TMEM33: variants seen among roughly 807,000 people sequenced by gnomAD.
The protein encoded by TMEM33 is transmembrane protein 33.
Under a neutral mutation model 29.7 loss-of-function variants are expected in TMEM33, and 16 were observed. The observed-to-expected ratio is 0.54, with a 90% confidence interval of 0.36 to 0.82. The LOEUF is 0.82. TMEM33 is among the 40% of genes least tolerant of loss of function. The pLI is 0.00. For missense variants in TMEM33, 252 were observed against 295.3 expected, an observed-to-expected ratio of 0.85 and a Z score of 1.08; for synonymous variants, 112 against 109.4, an observed-to-expected ratio of 1.02 and a Z score of -0.15.
In TMEM33 at chr4:41,949,328, T is replaced by TTA; in HGVS notation, c.562_563dup (p.Tyr189ThrfsTer24). ...GGTCAAGGAAGTTTGCTCCAACCTTTTATATACTATAGATTTCTTACCCTT... is the reference window on the plus strand; with the variant it reads ...GGTCAAGGAAGTTTGCTCCAACCTTTTATATATACTATAGATTTCTTACCCTT... On this transcript the variant is annotated frameshift_variant, in exon 6 of 7. Transcript: ENST00000504986. LOFTEE classifies it high-confidence loss of function. The TTA allele has an allele frequency of 6.2e-7, 1 of 1,610,900 alleles. No individual in the cohort carries two copies. The highest frequency in any genetic ancestry group is 8.5e-7 in the Non-Finnish European group (1 of 1,178,826).
intron 5 of TMEM33, among the ~76,000 whole-genome samples, chr4:41,948,755 T>C (rs1712904465): frequency 6.6e-6 from 1 of 152,096 alleles, no homozygotes; most frequent in South Asian, 2.1e-4. Flanking sequence ...AGTGAATGTC[T>C]TAATTCAGAT....
chr4:41,952,129 G>A (rs1270002031), intron 6 of TMEM33, among the ~76,000 whole-genome samples: 1 of 152,154 alleles, frequency 6.6e-6, no homozygotes, highest in Non-Finnish European at 1.5e-5. Context: ...TAGGAGATAG[G>A]ATATTAGGGC....
chr4:41,935,176 G>C (rs561291899), upstream of TMEM33: 10 of 499,716 alleles, frequency 2.0e-5, no homozygotes, highest in South Asian at 1.1e-4. Context: ...GGCGGCGTAG[G>C]TTGGCTCTTT....
At chr4:41,938,765 G>A in intron 2 of TMEM33, 69 bp downstream of exon 2, 1 of 1,452,708 alleles carries the variant, frequency 6.9e-7, no homozygotes, top group Non-Finnish European at 9.7e-7. Flanking sequence ...GTGCCTTTTA[G>A]GTGTAAGACT....
intron 5 of TMEM33, among the ~76,000 whole-genome samples, chr4:41,947,021 A>C (rs1349643001): frequency 1.3e-5 from 2 of 152,248 alleles, no homozygotes; most frequent in East Asian, 3.9e-4. Context: ...GCAGAGCATG[A>C]GGTCAAGAGA....
rs1713351046 is a variant in TMEM33, at chr4:41,958,438, A to G, written c.*4239A>G. The G allele has an allele frequency of 6.6e-6, 1 of 152,140 alleles. No individual in the cohort carries two copies. Among genetic ancestry groups the G allele is most frequent in the Non-Finnish European group, 1.5e-5 (1 of 68,018 alleles). 9.4% of individuals were successfully genotyped at this position (152,140 alleles called of 1,614,324 possible). ...AAGGTCTATCCAGTTTTTTCTTTTC[A>G]TGCTAAGTGCCTACATCACCGAAAC... On this transcript the variant is annotated 3_prime_UTR_variant, in exon 7 of 7. Transcript: ENST00000504986.
intron 2 of TMEM33, 49 bp from the exon 3 acceptor site, chr4:41,939,147 A>G: frequency 6.7e-7 from 1 of 1,486,776 alleles, no homozygotes; most frequent in East Asian, 2.3e-5. Context: ...AGGAAGAGAC[A>G]CTGCAGTTGT....
chr4:41,938,826 C>A (rs113134875), intron 2 of TMEM33, 130 bp downstream of exon 2: 16,541 of 753,508 alleles, frequency 0.022, 256 homozygotes, highest in African/African-American at 0.056. Flanking sequence ...TTCCAGCCTT[C>A]AGGTACTAAC....
In TMEM33 at chr4:41,940,062, T is replaced by TA. The variant is rs1483095338; in HGVS notation, c.328+679_328+680insA. ...TTAAACTTTCTTTTTTTTTTTTTTT[T>TA]TTTTTTTTGAGACAGAGTCTTGCTC... On this transcript the variant is annotated intron_variant, in intron 3 of 6. Transcript: ENST00000504986. Among the ~76,000 whole-genome samples, 9 of 145,942 alleles carry TA rather than the reference T, an allele frequency of 6.2e-5. No individual in the cohort carries two copies. In the East Asian group the frequency reaches 1.8e-3, roughly 29 times the overall value.
chr4:41,935,409 C>G, upstream of TMEM33: 1 of 1,485,400 alleles, frequency 6.7e-7, no homozygotes, highest in Non-Finnish European at 9.2e-7. Context: ...CGGGTCCTGG[C>G]CCCAGCGCTG....
intron 5 of TMEM33, among the ~76,000 whole-genome samples, chr4:41,947,341 T>G (rs1712841892): frequency 6.6e-6 from 1 of 152,162 alleles, no homozygotes; most frequent in Non-Finnish European, 1.5e-5. Flanking sequence ...AAATAATTTC[T>G]TATGCTCCTC....
chr4:41,948,861 A>G (rs552330197), intron 5 of TMEM33, among the ~76,000 whole-genome samples: 1 of 152,190 alleles, frequency 6.6e-6, no homozygotes, highest in South Asian at 2.1e-4. Context: ...AAGAACAATA[A>G]TTAGTATAGG....
At chr4:41,939,865 C>T in intron 3 of TMEM33, 1 of 451,232 alleles carries the variant, frequency 2.2e-6, no homozygotes, top group South Asian at 1.6e-5. Flanking sequence ...TTAATATTTG[C>T]TGTGTATAGA....
chr4:41,940,854 G>C (rs945960190), intron 3 of TMEM33, among the ~76,000 whole-genome samples: 1 of 146,976 alleles, frequency 6.8e-6, no homozygotes, highest in Admixed American at 6.8e-5. Flanking sequence ...AATCTTTGTA[G>C]CACTCTGAAA....
chr4:41,940,555 G>A (rs1363206176), intron 3 of TMEM33, among the ~76,000 whole-genome samples: 1 of 151,944 alleles, frequency 6.6e-6, no homozygotes, highest in Non-Finnish European at 1.5e-5. Flanking sequence ...TGGCTCACGT[G>A]CGGTGGCACT....
Position 41,943,783 on chromosome 4 carries a change from A to C in TMEM33, c.365A>C (p.His122Pro), listed in dbSNP as rs772096586. 6.2e-7 allele frequency: 1 copy of C among 1,613,870 alleles called. No homozygotes were observed. The highest frequency in any genetic ancestry group is 8.5e-7 in the Non-Finnish European group (1 of 1,179,920). The change falls in exon 4 of 7, where the codon CAT becomes CCT. Residue 122 changes from histidine to proline, a missense_variant. His to Pro is a moderately conservative substitution (Grantham distance 77). Coordinates refer to ENST00000504986, the MANE Select transcript of TMEM33 (RefSeq NM_018126.3). ...CCAGTCTTGTTATTCTCTTTGCTTC[A>C]TGCTGCCACATATACGAAAAAGGTC... ...IFPVLLFSLL[H>P]AATYTKKVLD...
Position 41,959,087 on chromosome 4 carries a change from T to A in TMEM33, c.*4888T>A, listed in dbSNP as rs1013807644. 1.3e-5 allele frequency: 2 copies of A among 152,138 alleles called. No individual in the cohort carries two copies. The highest frequency in any genetic ancestry group is 2.9e-5 in the Non-Finnish European group (2 of 68,022). 9.4% of individuals were successfully genotyped at this position (152,138 alleles called of 1,614,324 possible). A position where few individuals can be genotyped will look rare whatever the true frequency, so the allele number is the denominator to read the frequency against. On this transcript the variant is annotated 3_prime_UTR_variant, in exon 7 of 7. Transcript: ENST00000504986. ...GGAGAATTCCACAGAGCCTATATGA[T>A]ATTATAGCTCAACATTTAGTATACC...
intron 1 of TMEM33, among the ~76,000 whole-genome samples, chr4:41,937,601 A>G (rs947708455): frequency 6.6e-6 from 1 of 152,166 alleles, no homozygotes; most frequent in African/African-American, 2.4e-5. Context: ...AACACCAGCT[A>G]TTTTTAAAAA....
upstream of TMEM33, chr4:41,935,399 C>T (rs1004908496): frequency 7.7e-6 from 11 of 1,433,612 alleles, no homozygotes; most frequent in Admixed American, 2.0e-5. Flanking sequence ...AGCCGGTACC[C>T]GGGTCCTGGC....
Sources: gnomAD v4.1 joint callset for allele counts (sites outside exome capture counted in the v4.1 genomes callset) on GRCh38, gnomAD v4.1.1 for gene constraint, MANE v1.5 for transcripts, NCBI Gene and HGNC (gene_info 2026-07-23, HGNC 2026-07-21) for gene names.